Variants in PHF14 observed in about 807,000 individuals in gnomAD.
PHF14 encodes the protein PHD finger protein 14.
PHF14 carries 55 observed loss-of-function variants against 117.9 expected under a neutral mutation model. The observed-to-expected ratio is 0.47, with a 90% CI of 0.38 to 0.58. The LOEUF is 0.58. Among genes scored for constraint, PHF14 ranks in the 20% least tolerant of loss-of-function variants. PHF14 has a pLI of 0.00. For missense variants in PHF14, 978 were observed against 1,122.2 expected (o/e 0.87, Z 1.84); for synonymous variants, 409 against 368.6 (o/e 1.11, Z -1.26).
intron 16 of PHF14, among the ~76,000 whole-genome samples, chr7:11,077,060 G>A (rs1343939801): frequency 6.6e-6 from 1 of 151,816 alleles, no homozygotes; most frequent in African/African-American, 2.4e-5. Context: ...CTATATTTAT[G>A]AAAGTTGCTT....
chr7:11,106,749 TC>T (rs2128342556), intron 16 of PHF14: 1 of 983,956 alleles, frequency 1.0e-6, no homozygotes, highest in Non-Finnish European at 1.2e-6. Flanking sequence ...TTTTGAACAT[TC>T]TTGTGATGGA....
chr7:11,018,980 C>G (rs1195740954), intron 5 of PHF14, among the ~76,000 whole-genome samples: 1 of 152,128 alleles, frequency 6.6e-6, no homozygotes, highest in African/African-American at 2.4e-5. Context: ...GCTTTTTCAG[C>G]ATCAGTTGAA....
chr7:11,159,890 C>T (rs977515610), intron 17 of PHF14, among the ~76,000 whole-genome samples: 3 of 152,002 alleles, frequency 2.0e-5, no homozygotes, highest in African/African-American at 7.2e-5. Context: ...AGCAATTTTC[C>T]GCTTCTATCA....
At chr7:11,075,544 T>C (rs1274289800) in intron 16 of PHF14, among the ~76,000 whole-genome samples, 1 of 148,994 alleles carries the variant, frequency 6.7e-6, no homozygotes, top group Admixed American at 6.7e-5. Context: ...AACTCACTCA[T>C]TCCCATGGGA....
intron 17 of PHF14, among the ~76,000 whole-genome samples, chr7:11,127,641 TTCCTTTAAAGTACC>T (rs1299246393): frequency 1.3e-5 from 2 of 152,160 alleles, no homozygotes; most frequent in Non-Finnish European, 2.9e-5. Flanking sequence ...TGAGAGGGAC[TTCCTTTAAAGTACC>T]TCTTCTAAAG....
chr7:11,146,323 T>A (rs1788547733), intron 17 of PHF14, among the ~76,000 whole-genome samples: 1 of 152,200 alleles, frequency 6.6e-6, no homozygotes, highest in Non-Finnish European at 1.5e-5. Context: ...TTTTTCAATA[T>A]TTTCATTGAC....
chr7:11,070,252 A>G lies in PHF14; in HGVS notation c.2654+8167A>G, dbSNP rs540274158. ...GCCACCATGCCCAGCTGATTTTTTA[A>G]TCGTTTGTAGAAATGGGGTCTGACT... On this transcript the variant is annotated intron_variant, in intron 16 of 17. Transcript: ENST00000634607. Among the ~76,000 whole-genome samples, 4 of 152,156 alleles carry G rather than the reference A, an allele frequency of 2.6e-5. No individual in the cohort carries two copies. The South Asian group carries it at 8.3e-4, about 32-fold the overall frequency.
chr7:11,110,472 A>T, intron 16 of PHF14: 2 of 874,304 alleles, frequency 2.3e-6, no homozygotes, highest in Non-Finnish European at 2.7e-6. Flanking sequence ...ACTGATGCAA[A>T]ATTCTTTTTA....
In PHF14 at chr7:11,126,775, G is replaced by GA. The variant is rs748777005; in HGVS notation, c.2772+15322dup. ...TTTAACCTCCTCATAGCAATAGGAT[G>GA]AAAAAAAAAAAAAAGCTACAGTCTG... On this transcript the variant is annotated intron_variant, in intron 17 of 17. Coordinates refer to ENST00000634607, the MANE Select transcript of PHF14 (RefSeq NM_001007157.2). Among the ~76,000 whole-genome samples, 158 of 100,092 alleles carry GA rather than the reference G, an allele frequency of 1.6e-3. No homozygotes were observed. In the Middle Eastern group the frequency reaches 0.023, roughly 15 times the overall value. The allele number at this position is 100,092 out of a possible 152,430, so 65.7% of individuals were successfully genotyped here. A position where few individuals can be genotyped will look rare whatever the true frequency, so the allele number is the denominator to read the frequency against.
intron 7 of PHF14, among the ~76,000 whole-genome samples, chr7:11,033,361 C>T (rs1583392890): frequency 6.6e-6 from 1 of 152,122 alleles, no homozygotes; most frequent in South Asian, 2.1e-4. Context: ...GTCTATTGCA[C>T]TCTCCTACAC....
Position 11,155,136 on chromosome 7 carries a change from G to A in PHF14, c.2773-14280G>A, listed in dbSNP as rs185961035. 2.2e-3 allele frequency among the ~76,000 whole-genome samples: 336 copies of A among 152,194 alleles called. 1 individual carries two copies. Among genetic ancestry groups the A allele is most frequent in the African/African-American group, 7.6e-3 (316 of 41,540 alleles). On this transcript the variant is annotated intron_variant, in intron 17 of 17. Transcript: ENST00000634607. ...TTCTGTGGGCCAGGATTTGTGCTAGGCTCCTCATATTTTATTTTATTTAAT... is the reference window on the plus strand; with the variant it reads ...TTCTGTGGGCCAGGATTTGTGCTAGACTCCTCATATTTTATTTTATTTAAT...
intron 17 of PHF14, among the ~76,000 whole-genome samples, chr7:11,148,370 T>A (rs1439515700): frequency 6.6e-6 from 1 of 152,220 alleles, no homozygotes; most frequent in Non-Finnish European, 1.5e-5. Context: ...GCTGTGCTCT[T>A]TTCTACTTTA....
intron 4 of PHF14, among the ~76,000 whole-genome samples, chr7:10,992,362 G>A (rs1247329752): frequency 1.3e-5 from 2 of 149,066 alleles, no homozygotes; most frequent in Non-Finnish European, 3.0e-5. Flanking sequence ...CTGACAGTAT[G>A]TATTTGTTAA....
At chr7:11,083,274 T>C (rs1474444435) in intron 16 of PHF14, among the ~76,000 whole-genome samples, 1 of 152,118 alleles carries the variant, frequency 6.6e-6, no homozygotes, top group Non-Finnish European at 1.5e-5. Context: ...GAGTGTTTGT[T>C]TTCCTTAAGA....
chr7:11,031,162 A>C (rs1408633521), intron 7 of PHF14, among the ~76,000 whole-genome samples: 2 of 151,884 alleles, frequency 1.3e-5, no homozygotes, highest in East Asian at 3.9e-4. Flanking sequence ...TGGATTTACT[A>C]CTTTTTCATG....
chr7:11,154,409 T>G (rs1788785985), intron 17 of PHF14, among the ~76,000 whole-genome samples: 1 of 152,286 alleles, frequency 6.6e-6, no homozygotes, highest in East Asian at 1.9e-4. Context: ...GATACAAAGA[T>G]AAAAATGCTT....
intron 17 of PHF14, among the ~76,000 whole-genome samples, chr7:11,124,958 A>G (rs970910392): frequency 1.3e-5 from 2 of 152,146 alleles, no homozygotes; most frequent in Non-Finnish European, 2.9e-5. Flanking sequence ...TTTAAAACAA[A>G]TAAGTTGATT....
At chr7:10,976,598 C>G (rs1398046117) in intron 2 of PHF14, among the ~76,000 whole-genome samples, 1 of 152,022 alleles carries the variant, frequency 6.6e-6, no homozygotes, top group African/African-American at 2.4e-5. Context: ...GGAATATTCA[C>G]AGGTATCACT....
intron 16 of PHF14, among the ~76,000 whole-genome samples, chr7:11,084,266 A>G (rs1302442582): frequency 2.6e-5 from 4 of 152,226 alleles, no homozygotes; most frequent in Non-Finnish European, 4.4e-5. Flanking sequence ...ATAGCCATTT[A>G]TTTTGAAGAT....
Sources: gnomAD v4.1 joint callset for allele counts (sites outside exome capture counted in the v4.1 genomes callset) on GRCh38, gnomAD v4.1.1 for gene constraint, MANE v1.5 for transcripts, NCBI Gene and HGNC (gene_info 2026-07-23, HGNC 2026-07-21) for gene names.